Variants in LAMB4 observed in about 807,000 individuals in gnomAD.
LAMB4 encodes laminin subunit beta-4.
LAMB4 carries 196 observed loss-of-function variants against 199.2 expected under a neutral mutation model. The ratio of observed to expected loss-of-function variants is 0.98; its 90% CI spans 0.88 to 1.11. The LOEUF (loss-of-function observed/expected upper bound fraction) is 1.11. LAMB4 is among the 50% of genes least tolerant of loss of function. The pLI is 0.00. For missense variants in LAMB4, 2,080 were observed against 2,171.2 expected (o/e 0.96, Z 0.83); for synonymous variants, 744 against 770.6 (o/e 0.97, Z 0.57).
intron 1 of LAMB4, among the ~76,000 whole-genome samples, chr7:108,123,938 A>G (rs1446658481): frequency 6.6e-6 from 1 of 152,158 alleles, no homozygotes. Context: ...TTACCATTGA[A>G]GAGAGTTCTG....
chr7:108,124,569 C>T (rs1425966206), intron 1 of LAMB4, among the ~76,000 whole-genome samples: 2 of 151,840 alleles, frequency 1.3e-5, no homozygotes, highest in South Asian at 2.1e-4. Flanking sequence ...AAAGTTTGTT[C>T]CAATTTACAC....
At chr7:108,041,485 G>A (rs1433937046) in intron 29 of LAMB4, among the ~76,000 whole-genome samples, 2 of 152,128 alleles carry the variant, frequency 1.3e-5, no homozygotes, top group Non-Finnish European at 2.9e-5. Context: ...GCAAAGACAT[G>A]GAATCAACCT....
intron 1 of LAMB4, among the ~76,000 whole-genome samples, chr7:108,124,603 T>C (rs1389731723): frequency 3.3e-5 from 5 of 152,060 alleles, no homozygotes. Flanking sequence ...CTGTGAGCAC[T>C]GCTAACATGA....
chr7:108,041,689 A>G (rs1285524581), intron 29 of LAMB4, among the ~76,000 whole-genome samples: 1 of 152,184 alleles, frequency 6.6e-6, no homozygotes, highest in Non-Finnish European at 1.5e-5. Context: ...ATGGGAGCTA[A>G]ATGATGAGAA....
chr7:108,058,686 C>T (rs180686483), intron 23 of LAMB4, among the ~76,000 whole-genome samples: 1 of 152,268 alleles, frequency 6.6e-6, no homozygotes, highest in Admixed American at 6.5e-5. Context: ...GACGGAGTCT[C>T]GCTCTGTTGC....
At chr7:108,037,081 C>G (rs1226372758) in intron 30 of LAMB4, among the ~76,000 whole-genome samples, 2 of 151,896 alleles carry the variant, frequency 1.3e-5, no homozygotes, top group Non-Finnish European at 2.9e-5. Context: ...TTCCAACCAC[C>G]TGTTAAAGTA....
chr7:108,124,609 C>T (rs1434614761), intron 1 of LAMB4, among the ~76,000 whole-genome samples: 2 of 151,816 alleles, frequency 1.3e-5, no homozygotes, highest in African/African-American at 4.8e-5. Context: ...GCACTGCTAA[C>T]ATGAGCCCTT....
chr7:108,084,413 A>G (rs191891162), intron 14 of LAMB4, among the ~76,000 whole-genome samples: 3 of 152,160 alleles, frequency 2.0e-5, no homozygotes, highest in Admixed American at 6.5e-5. Context: ...GCTTGATTTA[A>G]TGCTTTGCTG....
intron 33 of LAMB4, among the ~76,000 whole-genome samples, chr7:108,027,421 C>T (rs2034876687): frequency 6.6e-6 from 1 of 152,164 alleles, no homozygotes; most frequent in Non-Finnish European, 1.5e-5. Context: ...CTAGAGATAA[C>T]TAATGTTAGC....
rs370493820 is a variant in LAMB4, at chr7:108,048,132, C to T, written c.4123-21G>A. On this transcript the variant is annotated intron_variant, in intron 27 of 33. Transcript: ENST00000388781. ...CACACCTTGCAAGAGAAATGATTTA[C>T]GTTAAATAGCAACTTGTTGTCAGAG... 188 of 1,119,746 alleles carry T rather than the reference C, an allele frequency of 1.7e-4. No homozygotes were observed. The South Asian group carries it at 2.3e-3, about 14-fold the overall frequency. 69.4% of individuals were successfully genotyped at this position (1,119,746 alleles called of 1,614,324 possible). A position where few individuals can be genotyped will look rare whatever the true frequency, so the allele number is the denominator to read the frequency against.
chr7:108,032,695 CGTGTGT>C (rs3050225), intron 31 of LAMB4, among the ~76,000 whole-genome samples: 2,528 of 144,598 alleles, frequency 0.017, 65 homozygotes, highest in African/African-American at 0.059. Flanking sequence ...TGTGTGTTTG[CGTGTGT>C]GTGTGTGTGT....
At chr7:108,109,899 A>C (rs1401475757) in intron 4 of LAMB4, among the ~76,000 whole-genome samples, 1 of 152,214 alleles carries the variant, frequency 6.6e-6, no homozygotes, top group African/African-American at 2.4e-5. Context: ...CAGAAATAAA[A>C]TATGAGACAT....
In LAMB4 at chr7:108,052,149, G is replaced by T. The variant is rs1196185198; in HGVS notation, c.3864C>A (p.Asp1288Glu). ...ATTGCAAATCAATTTCTTCCTGAAG[G>T]TCTTCAAGTAAGAGGTCTGCTTCAT... ...AKNEADLLLE[D>E]LQEEIDLQSS... Residue 1288 changes from aspartate to glutamate, a missense_variant, in exon 26 of 34, where the codon GAC (aspartate) becomes GAA (glutamate). By Grantham distance (45) the Asp-to-Glu change is conservative. Coordinates refer to ENST00000388781, the MANE Select transcript of LAMB4 (RefSeq NM_007356.3). 6 of 1,612,418 alleles carry T rather than the reference G, an allele frequency of 3.7e-6. No individual in the cohort carries two copies. Among genetic ancestry groups the T allele is most frequent in the South Asian group, 2.2e-5 (2 of 90,626 alleles).
chr7:108,025,417 C>CCTTTCTTTCTTCTTTCT, intron 33 of LAMB4, among the ~76,000 whole-genome samples: 1 of 107,850 alleles, frequency 9.3e-6, no homozygotes, highest in African/African-American at 6.6e-5. Flanking sequence ...TTCTTTCTTT[C>CCTTTCTTTCTTCTTTCT]TTCTTTCTTT....
chr7:108,062,755 A>T lies in LAMB4; in HGVS notation c.3282+19T>A. The T allele has an allele frequency of 1.5e-6, 2 of 1,343,096 alleles. No homozygotes were observed. The highest frequency in any genetic ancestry group is 2.0e-6 in the Non-Finnish European group (2 of 1,023,228). 83.2% of individuals were successfully genotyped at this position (1,343,096 alleles called of 1,614,324 possible). The stretch of plus-strand genomic sequence containing the variant: ...TCATGCTCACTTTGAGTGCACTAGT[A>T]AGCTTTAAAGTATCTTGCCTGGTCA... On this transcript the variant is annotated intron_variant, in intron 23 of 33. Coordinates refer to ENST00000388781, the MANE Select transcript of LAMB4 (RefSeq NM_007356.3).
intron 23 of LAMB4, among the ~76,000 whole-genome samples, chr7:108,058,499 G>A (rs2036057108): frequency 6.6e-6 from 1 of 152,160 alleles, no homozygotes. Context: ...CAGCTTTTCT[G>A]AAAACTGAGG....
At chr7:108,053,578 G>A (rs1445013244) in intron 25 of LAMB4, among the ~76,000 whole-genome samples, 3 of 152,204 alleles carry the variant, frequency 2.0e-5, no homozygotes, top group African/African-American at 7.2e-5. Flanking sequence ...GGCTGTTAAA[G>A]AGAAGTAGGA....
In LAMB4 at chr7:108,095,321, G is replaced by T; in HGVS notation, c.1377C>A (p.Pro459=). Residue 459 remains proline, a synonymous_variant, in exon 12 of 34, where the codon CCC becomes CCA. Coordinates refer to ENST00000388781, the MANE Select transcript of LAMB4 (RefSeq NM_007356.3). The part of the protein sequence containing the change: ...PLGCQPCDCN[P]LGSLPFLTCD... ...AGGTCAAGAATGGCAGACTCCCAAG[G>T]GGGTTACAGTCGCAGGCTGAAAGCA... is the stretch of plus-strand genomic sequence containing the variant. The T allele has an allele frequency of 1.2e-6, 2 of 1,613,576 alleles. No individual in the cohort carries two copies. The highest frequency in any genetic ancestry group is 1.7e-6 in the Non-Finnish European group (2 of 1,179,684).
chr7:108,103,326 T>G (rs555458146), intron 9 of LAMB4, 94 bp from the exon 10 acceptor site: 1 of 1,009,580 alleles, frequency 9.9e-7, no homozygotes, highest in Admixed American at 2.8e-5. Flanking sequence ...CTAGTCCTCC[T>G]TGTCCTCCTG....
Sources: allele counts gnomAD v4.1 joint callset (sites outside exome capture counted in the v4.1 genomes callset), GRCh38; gene constraint gnomAD v4.1.1; transcripts MANE v1.5; gene names NCBI Gene and HGNC (gene_info 2026-07-23, HGNC 2026-07-21).